The following RUNDC3B variants were observed in gnomAD, a reference collection of about 807,000 sequenced individuals.
The protein encoded by RUNDC3B is RUN domain containing 3B.
RUNDC3B carries 33 observed loss-of-function variants against 58.4 expected under a neutral mutation model. The ratio of observed to expected loss-of-function variants is 0.56; its 90% CI spans 0.43 to 0.75. The LOEUF (loss-of-function observed/expected upper bound fraction) is 0.75. Ranked by LOEUF, RUNDC3B falls within the 30% of genes least tolerant of loss-of-function variation. The probability of loss-of-function intolerance (pLI) is 0.00; values close to 1 mark genes in which losing one functional copy is unlikely to be tolerated. For missense variants in RUNDC3B, 501 were observed against 535.7 expected, an observed-to-expected ratio of 0.94 and a Z score of 0.64; for synonymous variants, 193 against 195.2, an observed-to-expected ratio of 0.99 and a Z score of 0.10.
intron 2 of RUNDC3B, among the ~76,000 whole-genome samples, chr7:87,669,321 T>A (rs1244486272): frequency 1.3e-5 from 2 of 152,224 alleles, no homozygotes; most frequent in African/African-American, 4.8e-5. Context: ...GTTTTCCATT[T>A]GCTTAGTAGA....
At chr7:87,764,559 C>T (rs1001401219) in intron 6 of RUNDC3B, among the ~76,000 whole-genome samples, 6 of 151,746 alleles carry the variant, frequency 4.0e-5, no homozygotes, top group Admixed American at 6.6e-5. Flanking sequence ...TTTGTCCCCT[C>T]CTCAGTCTCC....
At chr7:87,643,058 A>G (rs1351827765) in intron 1 of RUNDC3B, among the ~76,000 whole-genome samples, 1 of 152,066 alleles carries the variant, frequency 6.6e-6, no homozygotes, top group East Asian at 1.9e-4. Flanking sequence ...TTAAAATAAC[A>G]GCCTCTTTCC....
chr7:87,766,239 G>C (rs1338002702), intron 6 of RUNDC3B, among the ~76,000 whole-genome samples: 1 of 152,114 alleles, frequency 6.6e-6, no homozygotes, highest in East Asian at 1.9e-4. Context: ...AATCCAGCTT[G>C]TCAGCCTATA....
chr7:87,814,348 C>A (rs1163447377), intron 9 of RUNDC3B, among the ~76,000 whole-genome samples: 3 of 152,156 alleles, frequency 2.0e-5, no homozygotes, highest in Admixed American at 6.5e-5. Context: ...GATCCGCCCG[C>A]CTTGGCCTCC....
chr7:87,818,488 T>A (rs987015833), intron 10 of RUNDC3B, among the ~76,000 whole-genome samples: 1 of 152,196 alleles, frequency 6.6e-6, no homozygotes, highest in Non-Finnish European at 1.5e-5. Flanking sequence ...AATCTGATTT[T>A]AAAAAACTGA....
intron 8 of RUNDC3B, among the ~76,000 whole-genome samples, chr7:87,794,270 A>G (rs1243715375): frequency 6.6e-6 from 1 of 152,158 alleles, no homozygotes; most frequent in Admixed American, 6.5e-5. Context: ...CCCCATCTCT[A>G]CTAAAAATAC....
chr7:87,678,283 G>C (rs1250989253), intron 2 of RUNDC3B, among the ~76,000 whole-genome samples: 3 of 152,132 alleles, frequency 2.0e-5, no homozygotes, highest in Admixed American at 1.3e-4. Context: ...CAAAATTTAT[G>C]GCATTGCTGG....
intron 4 of RUNDC3B, among the ~76,000 whole-genome samples, chr7:87,739,581 G>T (rs1832191839): frequency 6.6e-6 from 1 of 151,926 alleles, no homozygotes; most frequent in Non-Finnish European, 1.5e-5. Flanking sequence ...GCAGGTTTTA[G>T]TTTCTTCAGG....
chr7:87,749,840 T>A (rs939455160), intron 6 of RUNDC3B, among the ~76,000 whole-genome samples: 2 of 151,884 alleles, frequency 1.3e-5, no homozygotes, highest in African/African-American at 2.4e-5. Context: ...TTTCTATGCA[T>A]AGATACAGTA....
At chr7:87,778,025 C>T in intron 8 of RUNDC3B, 70 bp downstream of exon 8, 4 of 1,338,564 alleles carry the variant, frequency 3.0e-6, no homozygotes, top group Non-Finnish European at 4.1e-6. Flanking sequence ...TGTTTTGATA[C>T]AGGAGGCAAA....
Position 87,768,911 on chromosome 7 carries a change from CT to C in RUNDC3B, c.630-1658del, listed in dbSNP as rs1010692492. On this transcript the variant is annotated intron_variant, in intron 6 of 10. Coordinates refer to ENST00000394654, the MANE Select transcript of RUNDC3B (RefSeq NM_001134405.2). ...ATCTTGGGAAAAAGTTGAATGAACT[CT>C]TTTTTTTTTTTCAATTATGATAGAA... 1.8e-3 allele frequency among the ~76,000 whole-genome samples: 262 copies of C among 144,822 alleles called. 2 individuals carry two copies. The highest frequency in any genetic ancestry group is 4.1e-3 in the African/African-American group (161 of 39,734).
chr7:87,645,506 A>G (rs1822911850), intron 1 of RUNDC3B, among the ~76,000 whole-genome samples: 1 of 152,190 alleles, frequency 6.6e-6, no homozygotes, highest in African/African-American at 2.4e-5. Flanking sequence ...AGTCTCTTTT[A>G]TATAAACTTT....
At chr7:87,721,640 A>T (rs1830895059) in intron 4 of RUNDC3B, among the ~76,000 whole-genome samples, 1 of 152,186 alleles carries the variant, frequency 6.6e-6, no homozygotes, top group Non-Finnish European at 1.5e-5. Flanking sequence ...CTAGTTAGGA[A>T]GATTTTTGCA....
intron 2 of RUNDC3B, among the ~76,000 whole-genome samples, chr7:87,697,263 A>C (rs1350155658): frequency 6.6e-6 from 1 of 152,072 alleles, no homozygotes; most frequent in Non-Finnish European, 1.5e-5. Context: ...TCCCTTGCCT[A>C]TTTCTCTGAC....
intron 10 of RUNDC3B, among the ~76,000 whole-genome samples, chr7:87,826,951 T>A (rs1051688464): frequency 1.3e-5 from 2 of 152,138 alleles, no homozygotes; most frequent in Non-Finnish European, 2.9e-5. Context: ...AATACAAACC[T>A]TCCTAAATAA....
chr7:87,745,836 T>C (rs1456172062), intron 6 of RUNDC3B, among the ~76,000 whole-genome samples: 5 of 152,228 alleles, frequency 3.3e-5, no homozygotes, highest in Non-Finnish European at 4.4e-5. Flanking sequence ...TTCTTTCTTC[T>C]GCTAGGTCTG....
intron 2 of RUNDC3B, among the ~76,000 whole-genome samples, chr7:87,662,578 T>C (rs1390166532): frequency 6.6e-6 from 1 of 152,174 alleles, no homozygotes; most frequent in Non-Finnish European, 1.5e-5. Flanking sequence ...TATGGATTTA[T>C]GTCTGCATTC....
intron 4 of RUNDC3B, among the ~76,000 whole-genome samples, chr7:87,718,734 TATA>T (rs1288453041): frequency 6.6e-6 from 1 of 152,204 alleles, no homozygotes; most frequent in African/African-American, 2.4e-5. Context: ...GGGAATTTTA[TATA>T]ATCTTAGTCC....
chr7:87,761,593 A>G (rs77994152), intron 6 of RUNDC3B, among the ~76,000 whole-genome samples: 7,427 of 151,970 alleles, frequency 0.049, 274 homozygotes, highest in East Asian at 0.091. Flanking sequence ...TGGTGAATAA[A>G]TTTAAAATGT....
Sources: allele counts gnomAD v4.1 joint callset (sites outside exome capture counted in the v4.1 genomes callset), GRCh38; gene constraint gnomAD v4.1.1; transcripts MANE v1.5; gene names NCBI Gene and HGNC (gene_info 2026-07-23, HGNC 2026-07-21).